PPP1R12B: variants seen among roughly 807,000 people sequenced by gnomAD.
PPP1R12B encodes the protein myosin phosphatase target subunit 2.
A neutral mutation model predicts 126.1 loss-of-function variants in PPP1R12B; 76 were observed. The ratio of observed to expected loss-of-function variants is 0.60; its 90% confidence interval spans 0.50 to 0.73. PPP1R12B has a LOEUF of 0.73. PPP1R12B is among the 30% of genes least tolerant of loss of function. PPP1R12B has a pLI of 0.00. For synonymous variants in PPP1R12B, 356 were observed against 434.7 expected (o/e 0.82, Z 2.25); for missense variants, 1,052 against 1,205.1 (o/e 0.87, Z 1.88).
At chr1:202,511,555 C>T (rs1681513513) in intron 18 of PPP1R12B, among the ~76,000 whole-genome samples, 1 of 151,926 alleles carries the variant, frequency 6.6e-6, no homozygotes, top group Admixed American at 6.6e-5. Flanking sequence ...TCCACCCTTC[C>T]CCCTGAGTCC....
chr1:202,548,776 G>GTCTC (rs1196499777), intron 18 of PPP1R12B, among the ~76,000 whole-genome samples: 1,769 of 98,070 alleles, frequency 0.018, 17 homozygotes, highest in East Asian at 0.044. Context: ...CTCGCTCGCT[G>GTCTC]TCTCTCTCTC....
chr1:202,449,776 T>C (rs1572080184), intron 13 of PPP1R12B, among the ~76,000 whole-genome samples: 2 of 152,156 alleles, frequency 1.3e-5, no homozygotes, highest in Admixed American at 1.3e-4. Flanking sequence ...AGGCTCTGCC[T>C]CCCGGGTTCA....
At chr1:202,536,300 A>G (rs1572426225) in intron 18 of PPP1R12B, among the ~76,000 whole-genome samples, 1 of 152,190 alleles carries the variant, frequency 6.6e-6, no homozygotes, top group Admixed American at 6.5e-5. Flanking sequence ...GGTATAGCCT[A>G]TTGCTCCTAG....
intron 1 of PPP1R12B, among the ~76,000 whole-genome samples, chr1:202,352,258 T>C (rs1365884525): frequency 6.6e-6 from 1 of 152,236 alleles, no homozygotes; most frequent in African/African-American, 2.4e-5. Flanking sequence ...TTAAATTTTT[T>C]CTTTTATTTA....
At chr1:202,405,814 T>C (rs1204085242) in intron 1 of PPP1R12B, among the ~76,000 whole-genome samples, 1 of 152,264 alleles carries the variant, frequency 6.6e-6, no homozygotes, top group Non-Finnish European at 1.5e-5. Context: ...TTCTACCATG[T>C]AGTACTCTAC....
chr1:202,453,752 T>A (rs1424290505), intron 13 of PPP1R12B, among the ~76,000 whole-genome samples: 2 of 151,620 alleles, frequency 1.3e-5, no homozygotes, highest in East Asian at 1.9e-4. Flanking sequence ...GGAAGGGAGA[T>A]GTTGAGTTGG....
At chr1:202,559,653 A>T (rs1473342304) in intron 19 of PPP1R12B, among the ~76,000 whole-genome samples, 1 of 152,200 alleles carries the variant, frequency 6.6e-6, no homozygotes, top group Non-Finnish European at 1.5e-5. Context: ...GGGAGAAGAT[A>T]TAGTTATGGG....
At chr1:202,373,560 A>G (rs1411750633) in intron 1 of PPP1R12B, among the ~76,000 whole-genome samples, 1 of 152,200 alleles carries the variant, frequency 6.6e-6, no homozygotes, top group South Asian at 2.1e-4. Flanking sequence ...TCCCAGCACC[A>G]TTGTTGAAAA....
chr1:202,466,292 A>G (rs1287536372), intron 13 of PPP1R12B, among the ~76,000 whole-genome samples: 2 of 152,076 alleles, frequency 1.3e-5, no homozygotes, highest in African/African-American at 4.8e-5. Context: ...CTTCCTAATT[A>G]CTAAATTCCT....
chr1:202,361,254 G>GT (rs1411475207), intron 1 of PPP1R12B, among the ~76,000 whole-genome samples: 22 of 152,152 alleles, frequency 1.4e-4, no homozygotes, highest in African/African-American at 5.3e-4. Flanking sequence ...AAAGGAATAC[G>GT]TGAGACTAGG....
intron 1 of PPP1R12B, among the ~76,000 whole-genome samples, chr1:202,394,269 C>T (rs531249787): frequency 4.0e-5 from 6 of 151,682 alleles, no homozygotes; most frequent in East Asian, 1.9e-4. Context: ...CATACCACTG[C>T]GCTCCAGTCT....
At chr1:202,396,093 T>C (rs1434161201) in intron 1 of PPP1R12B, among the ~76,000 whole-genome samples, 1 of 152,214 alleles carries the variant, frequency 6.6e-6, no homozygotes, top group African/African-American at 2.4e-5. Flanking sequence ...CCTACTGCTT[T>C]GCTTCCTACT....
At chr1:202,422,399 A>T (rs1668920562) in intron 2 of PPP1R12B, among the ~76,000 whole-genome samples, 2 of 152,256 alleles carry the variant, frequency 1.3e-5, no homozygotes, top group South Asian at 4.1e-4. Flanking sequence ...TGAGTGTGAA[A>T]GAAATCCTGT....
intron 1 of PPP1R12B, among the ~76,000 whole-genome samples, chr1:202,409,453 C>T (rs1413321846): frequency 7.2e-5 from 11 of 151,818 alleles, no homozygotes; most frequent in South Asian, 2.1e-4. Context: ...TCCCAAGTAG[C>T]TGGGACTACA....
chr1:202,434,518 G>C (rs546406167), intron 8 of PPP1R12B, 138 bp from the exon 9 acceptor site: 1 of 1,120,138 alleles, frequency 8.9e-7, no homozygotes, highest in East Asian at 2.9e-5. Context: ...CAAGTTGTTA[G>C]TTTATATCCA....
intron 8 of PPP1R12B, among the ~76,000 whole-genome samples, chr1:202,434,116 G>A (rs1319443643): frequency 6.6e-6 from 1 of 152,134 alleles, no homozygotes; most frequent in Non-Finnish European, 1.5e-5. Context: ...TTTTTACTTT[G>A]CACCACACTT....
chr1:202,361,025 G>T (rs1658098973), intron 1 of PPP1R12B, among the ~76,000 whole-genome samples: 1 of 151,808 alleles, frequency 6.6e-6, no homozygotes. Context: ...TGAGTAGCTG[G>T]GACTACAGGT....
At chr1:202,473,793 T>C in intron 13 of PPP1R12B, 2 of 390,922 alleles carry the variant, frequency 5.1e-6, no homozygotes, top group South Asian at 3.9e-5. Context: ...GCTTTGCCTC[T>C]GGCTTGCTGT....
chr1:202,496,797 G>T lies in PPP1R12B; in HGVS notation c.2465G>T (p.Gly822Val). The T allele has an allele frequency of 6.2e-7, 1 of 1,612,658 alleles. No homozygotes were observed. The highest frequency in any genetic ancestry group is 1.7e-4 in the Middle Eastern group (1 of 6,054). The change falls in exon 18 of 24, where the codon GGC becomes GTC. Residue 822 changes from glycine (G) to valine (V), a missense_variant. Transcript: ENST00000608999. Reference protein sequence around the residue: ...FWTKDEDETDGSEEVKETWHE... With the variant: ...FWTKDEDETDVSEEVKETWHE... Reference sequence around the variant, plus strand: ...CTTTTTTAGGAGGATGAAACTGATGGCTCTGAAGAGGTCAAAGAAACGTGG... The same window carrying T: ...CTTTTTTAGGAGGATGAAACTGATGTCTCTGAAGAGGTCAAAGAAACGTGG...
Sources: allele counts gnomAD v4.1 joint callset (sites outside exome capture counted in the v4.1 genomes callset), GRCh38; gene constraint gnomAD v4.1.1; transcripts MANE v1.5; gene names NCBI Gene and HGNC (gene_info 2026-07-23, HGNC 2026-07-21).